The following CDH13 variants were observed in gnomAD, a reference collection of about 807,000 sequenced individuals.
The protein encoded by CDH13 is cadherin-13.
A neutral mutation model predicts 63.8 loss-of-function variants in CDH13; 24 were observed. The observed-to-expected ratio is 0.38, with a 90% CI of 0.27 to 0.53. CDH13 has a LOEUF of 0.53. Ranked by LOEUF, CDH13 falls within the 20% of genes least tolerant of loss-of-function variation. CDH13 has a pLI of 0.85. For synonymous variants in CDH13, 503 were observed against 355.3 expected (o/e 1.42, Z -4.67); for missense variants, 1,049 against 903.1 (o/e 1.16, Z -2.07).
intron 7 of CDH13, among the ~76,000 whole-genome samples, chr16:83,520,797 C>G (rs2074813744): frequency 6.6e-6 from 1 of 152,116 alleles, no homozygotes; most frequent in Non-Finnish European, 1.5e-5. Context: ...CTGGAGAGTG[C>G]TGAGGGACAC....
intron 6 of CDH13, among the ~76,000 whole-genome samples, chr16:83,381,209 T>C (rs1036643825): frequency 8.5e-5 from 13 of 152,180 alleles, no homozygotes; most frequent in Non-Finnish European, 1.8e-4. Flanking sequence ...CTTTTTCTAA[T>C]TTCTAAAGTT....
In CDH13 at chr16:83,779,870, AAC is replaced by A. The variant is rs1915397113; in HGVS notation, c.1682-97_1682-96del. On this transcript the variant is annotated intron_variant, in intron 11 of 13. Transcript: ENST00000567109. ...GAGACCCTGTCTCAAAAAATAAAAT[AAC>A]TGCAAAATATACTAAGTTTACAATG... The A allele has an allele frequency of 1.2e-5, 10 of 800,148 alleles. No individual in the cohort carries two copies. In the South Asian group the frequency reaches 1.9e-4, roughly 15 times the overall value. The allele number at this position is 800,148 out of a possible 1,614,324, so 49.6% of individuals were successfully genotyped here.
intron 11 of CDH13, among the ~76,000 whole-genome samples, chr16:83,752,644 T>A (rs912944696): frequency 2.0e-5 from 3 of 152,202 alleles, no homozygotes; most frequent in Admixed American, 6.5e-5. Context: ...TTGAGTCTCA[T>A]CTATGTTTTC....
At chr16:83,324,145 C>G (rs1189167128) in intron 5 of CDH13, among the ~76,000 whole-genome samples, 1 of 151,312 alleles carries the variant, frequency 6.6e-6, no homozygotes, top group Non-Finnish European at 1.5e-5. Context: ...TCAAGTAGTT[C>G]CTTGCCTCAG....
intron 4 of CDH13, among the ~76,000 whole-genome samples, chr16:83,127,113 G>C (rs1054792379): frequency 1.3e-5 from 2 of 152,188 alleles, no homozygotes; most frequent in African/African-American, 4.8e-5. Context: ...AGTCTACATT[G>C]CAAAGGCCTG....
At chr16:83,463,287 GTCATA>G (rs2073226173) in intron 6 of CDH13, among the ~76,000 whole-genome samples, 1 of 152,190 alleles carries the variant, frequency 6.6e-6, no homozygotes, top group Non-Finnish European at 1.5e-5. Flanking sequence ...AGCTTATGCT[GTCATA>G]GTAAAGTACC....
chr16:83,038,065 A>G (rs1917022000), intron 3 of CDH13, among the ~76,000 whole-genome samples: 1 of 152,210 alleles, frequency 6.6e-6, no homozygotes, highest in Non-Finnish European at 1.5e-5. Context: ...AGGCATGCTC[A>G]GAGAGGTAGG....
intron 1 of CDH13, among the ~76,000 whole-genome samples, chr16:82,786,023 G>C (rs948939401): frequency 4.6e-5 from 7 of 152,146 alleles, no homozygotes; most frequent in African/African-American, 1.2e-4. Flanking sequence ...AATTTAAAGA[G>C]AATGATGGAG....
intron 3 of CDH13, among the ~76,000 whole-genome samples, chr16:83,081,871 G>A (rs1420715311): frequency 1.3e-5 from 2 of 151,800 alleles, no homozygotes; most frequent in African/African-American, 2.4e-5. Flanking sequence ...TGTGATCTCG[G>A]CTCACCATAA....
At chr16:83,435,970 G>C (rs1175935527) in intron 6 of CDH13, among the ~76,000 whole-genome samples, 1 of 152,180 alleles carries the variant, frequency 6.6e-6, no homozygotes, top group East Asian at 1.9e-4. Flanking sequence ...GCTATTGAGA[G>C]TTTGTCCATG....
chr16:83,566,056 G>A (rs1349977431), intron 7 of CDH13, among the ~76,000 whole-genome samples: 1 of 152,184 alleles, frequency 6.6e-6, no homozygotes, highest in Admixed American at 6.5e-5. Context: ...CTACAGAACT[G>A]TGTTCATCCG....
Position 82,978,698 on chromosome 16 carries a change from C to T in CDH13, c.158-53312C>T, listed in dbSNP as rs897250245. 4.6e-5 allele frequency among the ~76,000 whole-genome samples: 7 copies of T among 152,252 alleles called. No homozygotes were observed. In the East Asian group the frequency reaches 9.6e-4, roughly 21 times the overall value. ...AGATTTCAGAGGATGTGTGGAAACACGTGATGTCCAGGCAGAAGTTTGCTG... is the reference window on the plus strand; with the variant it reads ...AGATTTCAGAGGATGTGTGGAAACATGTGATGTCCAGGCAGAAGTTTGCTG... On this transcript the variant is annotated intron_variant, in intron 2 of 13. Transcript: ENST00000567109.
chr16:82,676,774 C>T lies in CDH13; in HGVS notation c.45+49637C>T, dbSNP rs948817453. 3.3e-5 allele frequency among the ~76,000 whole-genome samples: 5 copies of T among 152,304 alleles called. No homozygotes were observed. In the East Asian group the frequency reaches 9.7e-4, roughly 29 times the overall value. ...GCCCCTCCATTCTCCTTTCATGCCA[C>T]TCTACACTTTCAACTCCAGCCACCC... On this transcript the variant is annotated intron_variant, in intron 1 of 13. Coordinates refer to ENST00000567109, the MANE Select transcript of CDH13 (RefSeq NM_001257.5).
At chr16:83,119,696 G>A (rs79682843) in intron 3 of CDH13, among the ~76,000 whole-genome samples, 2,918 of 152,258 alleles carry the variant, frequency 0.019, 72 homozygotes, top group African/African-American at 0.054. Context: ...ACAGATGCAA[G>A]TACACCACAC....
intron 5 of CDH13, among the ~76,000 whole-genome samples, chr16:83,301,964 T>A (rs2089758292): frequency 7.3e-6 from 1 of 136,728 alleles, no homozygotes; most frequent in African/African-American, 2.6e-5. Context: ...ATAAAGTAAA[T>A]TTAAGAAAAA....
rs888055321 is a variant in CDH13 at position 82,711,810 on chromosome 16, C to T, written c.45+84673C>T. Among the ~76,000 whole-genome samples, 4 of 152,350 alleles carry T rather than the reference C, an allele frequency of 2.6e-5. No individual in the cohort carries two copies. The East Asian group carries it at 7.7e-4, about 29-fold the overall frequency. The stretch of plus-strand genomic sequence containing the variant: ...ACAACCGGTGATGCCGATGAGTTCC[C>T]ACCAGGTGTCAGTGCCTCGAGGACT... On this transcript the variant is annotated intron_variant, in intron 1 of 13. Transcript: ENST00000567109.
chr16:83,681,257 C>T (rs1039646714), intron 10 of CDH13, among the ~76,000 whole-genome samples: 11 of 152,248 alleles, frequency 7.2e-5, no homozygotes, highest in African/African-American at 2.4e-4. Context: ...ACAGAGAGCC[C>T]CTGGCCCAAA....
chr16:82,931,123 A>C (rs915122571), intron 2 of CDH13, among the ~76,000 whole-genome samples: 3 of 152,188 alleles, frequency 2.0e-5, no homozygotes, highest in African/African-American at 7.2e-5. Context: ...TGATTAGGTA[A>C]TTACATGTGT....
At chr16:83,175,540 C>G (rs952476586) in intron 4 of CDH13, among the ~76,000 whole-genome samples, 1 of 152,066 alleles carries the variant, frequency 6.6e-6, no homozygotes, top group Non-Finnish European at 1.5e-5. Flanking sequence ...TCAGAGCCTC[C>G]AGTTTGCTTT....
Sources: allele counts gnomAD v4.1 joint callset (sites outside exome capture counted in the v4.1 genomes callset), GRCh38; gene constraint gnomAD v4.1.1; transcripts MANE v1.5; gene names NCBI Gene and HGNC (gene_info 2026-07-23, HGNC 2026-07-21).